Variants in GTF2I observed in about 807,000 individuals in gnomAD.
GTF2I encodes the protein general transcription factor II-I.
In GTF2I, 12 loss-of-function variants were observed where a neutral mutation model predicts 67.6. The ratio of observed to expected loss-of-function variants is 0.18; its 90% CI spans 0.11 to 0.29. The LOEUF is 0.29. GTF2I is among the 10% of genes least tolerant of loss of function. GTF2I has a pLI of 1.00. For synonymous variants in GTF2I, 149 were observed against 197.0 expected, an observed-to-expected ratio of 0.76 and a Z score of 2.04; for missense variants, 271 against 580.1, an observed-to-expected ratio of 0.47 and a Z score of 5.47.
intron 12 of GTF2I, chr7:74,726,322 A>G (rs1262688448): frequency 2.6e-5 from 4 of 152,254 alleles, no homozygotes; most frequent in Admixed American, 6.5e-5. Flanking sequence ...CAGCATAAAA[A>G]TACTCTTAAG....
At chr7:74,715,059 A>T (rs1792094049) in intron 10 of GTF2I, 143 bp downstream of exon 10, 1 of 480,790 alleles carries the variant, frequency 2.1e-6, no homozygotes, top group South Asian at 5.6e-5. Flanking sequence ...CCTTTTTTTA[A>T]CATATAAATG....
intron 8 of GTF2I, among the ~76,000 whole-genome samples, chr7:74,707,905 TTG>T (rs1790965287): frequency 6.6e-6 from 1 of 152,152 alleles, no homozygotes; most frequent in African/African-American, 2.4e-5. Context: ...CTTTGCATCT[TTG>T]TATTCTTAAT....
At chr7:74,714,397 C>G (rs1554403174) in intron 9 of GTF2I, among the ~76,000 whole-genome samples, 1 of 152,014 alleles carries the variant, frequency 6.6e-6, no homozygotes, top group Admixed American at 6.6e-5. Context: ...TTTAGAGATT[C>G]TAAGGAAGGT....
chr7:74,707,145 C>T (rs981498859), intron 8 of GTF2I, among the ~76,000 whole-genome samples: 7 of 152,230 alleles, frequency 4.6e-5, no homozygotes, highest in Admixed American at 3.3e-4. Context: ...CCACCGTGCC[C>T]GGCCCCCGTT....
chr7:74,685,216 C>T (rs1189960373), intron 1 of GTF2I, among the ~76,000 whole-genome samples: 1 of 152,206 alleles, frequency 6.6e-6, no homozygotes, highest in African/African-American at 2.4e-5. Flanking sequence ...ATGCAAATGA[C>T]GACTTGCCCT....
chr7:74,660,227 C>G (rs1554385828), intron 1 of GTF2I, among the ~76,000 whole-genome samples: 1 of 148,780 alleles, frequency 6.7e-6, no homozygotes, highest in Non-Finnish European at 1.5e-5. Flanking sequence ...TTCGTTCTAT[C>G]CCCCCAGGCT....
intron 1 of GTF2I, among the ~76,000 whole-genome samples, chr7:74,681,458 G>GAA (rs11369420): frequency 6.6e-6 from 1 of 150,412 alleles, no homozygotes; most frequent in Admixed American, 6.6e-5. Context: ...AAGAAAAAAA[G>GAA]AAAAAAAAAT....
rs35715710 is a variant in GTF2I, at chr7:74,704,855, TAAAAAAAAAAAAAA to T, written c.587-292_587-279del. 1.0e-4 allele frequency among the ~76,000 whole-genome samples: 8 copies of T among 76,978 alleles called. No individual in the cohort carries two copies. In the East Asian group the frequency reaches 2.4e-3, roughly 23 times the overall value. The allele number at this position is 76,978 out of a possible 152,430, so 50.5% of individuals were successfully genotyped here. On this transcript the variant is annotated intron_variant, in intron 6 of 34. Coordinates refer to ENST00000573035, the MANE Select transcript of GTF2I (RefSeq NM_032999.4). ...GGGCAACAGAGTAAAACCCTGTTTC[TAAAAAAAAAAAAAA>T]AAAAAAAAAAAAAAAATCTGTTTCA...
intron 4 of GTF2I, 47 bp downstream of exon 4, chr7:74,699,142 G>C: frequency 9.1e-7 from 1 of 1,103,098 alleles, no homozygotes; most frequent in Non-Finnish European, 1.3e-6. Context: ...TTATATAATT[G>C]AATTTTCTAA....
chr7:74,664,721 C>G (rs1176404924), intron 1 of GTF2I, among the ~76,000 whole-genome samples: 3 of 151,660 alleles, frequency 2.0e-5, no homozygotes, highest in African/African-American at 4.8e-5. Flanking sequence ...GCATGAGCCA[C>G]CACGCCTGGC....
At chr7:74,677,868 CAGCTGGAA>C (rs1394017955) in intron 1 of GTF2I, among the ~76,000 whole-genome samples, 5 of 149,788 alleles carry the variant, frequency 3.3e-5, no homozygotes, top group African/African-American at 1.2e-4. Context: ...AGAATGAAGA[CAGCTGGAA>C]AGCTGGAAGA....
intron 9 of GTF2I, among the ~76,000 whole-genome samples, chr7:74,714,267 T>C (rs1358187966): frequency 2.0e-5 from 3 of 152,162 alleles, no homozygotes; most frequent in Non-Finnish European, 4.4e-5. Flanking sequence ...TTCTGTGTTT[T>C]GGAAAGAACC....
At chr7:74,726,836 G>GATAT (rs1793847587) in intron 12 of GTF2I, 2 of 93,620 alleles carry the variant, frequency 2.1e-5, no homozygotes, top group South Asian at 6.1e-4. Flanking sequence ...CCTCCCGACA[G>GATAT]ATAGATAGAT....
chr7:74,712,246 T>A (rs1271381033), intron 9 of GTF2I, among the ~76,000 whole-genome samples: 3 of 152,174 alleles, frequency 2.0e-5, no homozygotes, highest in Non-Finnish European at 2.9e-5. Flanking sequence ...CACGCTTTTT[T>A]AAAATGAAAT....
chr7:74,680,099 A>AAAAAAAAAAAAAAAAAT, intron 1 of GTF2I, among the ~76,000 whole-genome samples: 4 of 95,002 alleles, frequency 4.2e-5, no homozygotes, highest in African/African-American at 1.2e-4. Context: ...AAAAAAAAAA[A>AAAAAAAAAAAAAAAAAT]ATATATATAT....
chr7:74,661,679 C>CA (rs1288807027), intron 1 of GTF2I, among the ~76,000 whole-genome samples: 3 of 35,938 alleles, frequency 8.3e-5, no homozygotes, highest in Admixed American at 3.2e-4. Flanking sequence ...GACTGTGTCT[C>CA]AAAAAAAATA....
At chr7:74,680,079 C>CAAAAAA (rs1225904374) in intron 1 of GTF2I, among the ~76,000 whole-genome samples, 54 of 30,518 alleles carry the variant, frequency 1.8e-3, no homozygotes, top group Middle Eastern at 0.036. Flanking sequence ...GAGTCCATCT[C>CAAAAAA]AAAAAAAAAA....
chr7:74,687,942 T>C (rs1787884614), intron 1 of GTF2I, among the ~76,000 whole-genome samples: 1 of 152,250 alleles, frequency 6.6e-6, no homozygotes, highest in Non-Finnish European at 1.5e-5. Flanking sequence ...AAAGGGACAA[T>C]TTTTAATAGG....
At chr7:74,707,140 G>A (rs1471609910) in intron 8 of GTF2I, among the ~76,000 whole-genome samples, 2 of 152,174 alleles carry the variant, frequency 1.3e-5, no homozygotes, top group Admixed American at 6.5e-5. Context: ...ATAAGCCACC[G>A]TGCCCGGCCC....
Sources: gnomAD v4.1 joint callset for allele counts (sites outside exome capture counted in the v4.1 genomes callset) on GRCh38, gnomAD v4.1.1 for gene constraint, MANE v1.5 for transcripts, NCBI Gene and HGNC (gene_info 2026-07-23, HGNC 2026-07-21) for gene names.